PTPRC: variants seen among roughly 807,000 people sequenced by gnomAD.
PTPRC encodes the protein receptor-type tyrosine-protein phosphatase C.
In PTPRC, 44 loss-of-function variants were observed where a neutral mutation model predicts 155.9. That is an observed-to-expected ratio of 0.28 (90% CI 0.22 to 0.36). PTPRC has a LOEUF of 0.36. PTPRC is among the 10% of genes least tolerant of loss of function. The probability of loss-of-function intolerance (pLI) is 1.00; values close to 1 mark genes in which losing one functional copy is unlikely to be tolerated. For synonymous variants in PTPRC, 525 were observed against 533.1 expected (o/e 0.98, Z 0.21); for missense variants, 1,401 against 1,564.6 (o/e 0.90, Z 1.76).
chr1:198,642,932 C>CTTTA (rs1662700612), intron 2 of PTPRC, among the ~76,000 whole-genome samples: 1 of 147,564 alleles, frequency 6.8e-6, no homozygotes, highest in Admixed American at 6.8e-5. Context: ...TTCTTTCTTT[C>CTTTA]TTTCTTTCTT....
intron 17 of PTPRC, among the ~76,000 whole-genome samples, 179 bp from the exon 18 acceptor site, chr1:198,731,438 A>G (rs918438485): frequency 2.6e-5 from 4 of 152,034 alleles, no homozygotes; most frequent in African/African-American, 9.7e-5. Context: ...CTGAAGTACA[A>G]GATTGAAAAG....
chr1:198,709,054 C>G (rs1653148966), intron 10 of PTPRC, among the ~76,000 whole-genome samples: 2 of 152,144 alleles, frequency 1.3e-5, no homozygotes, highest in Admixed American at 1.3e-4. Context: ...TCATGACAGA[C>G]CAATGATAAA....
chr1:198,712,815 A>C, intron 11 of PTPRC, 138 bp from the exon 12 acceptor site: 1 of 932,274 alleles, frequency 1.1e-6, no homozygotes, highest in Non-Finnish European at 1.7e-6. Context: ...AAATGAGCCC[A>C]GATGCATTTC....
chr1:198,722,360 A>G, intron 14 of PTPRC, 56 bp from the exon 15 acceptor site: 3 of 751,944 alleles, frequency 4.0e-6, no homozygotes, highest in Non-Finnish European at 3.9e-6. Flanking sequence ...ATATATATAT[A>G]TATATAAATT....
chr1:198,735,645 A>G (rs369924842), intron 23 of PTPRC, among the ~76,000 whole-genome samples: 46 of 151,802 alleles, frequency 3.0e-4, no homozygotes, highest in African/African-American at 1.0e-3. Flanking sequence ...AGCATTAGAG[A>G]ACACTGTAAG....
chr1:198,685,503 T>C (rs1330946181), intron 2 of PTPRC, among the ~76,000 whole-genome samples: 2 of 152,042 alleles, frequency 1.3e-5, no homozygotes, highest in African/African-American at 4.8e-5. Context: ...CTGTTTCCTG[T>C]GGTTCTCTGA....
chr1:198,751,521 G>T (rs1655383151), intron 29 of PTPRC, among the ~76,000 whole-genome samples: 1 of 151,884 alleles, frequency 6.6e-6, no homozygotes, highest in Admixed American at 6.6e-5. Flanking sequence ...TACATGGAAA[G>T]TTGCTTTTTA....
At chr1:198,685,944 A>AT (rs934212741) in intron 2 of PTPRC, among the ~76,000 whole-genome samples, 57 of 147,064 alleles carry the variant, frequency 3.9e-4, no homozygotes, top group Non-Finnish European at 7.4e-4. Context: ...ATAGCATCCC[A>AT]TTTTTTTTTC....
intron 23 of PTPRC, among the ~76,000 whole-genome samples, chr1:198,738,914 A>C (rs1378544838): frequency 6.6e-6 from 1 of 151,794 alleles, no homozygotes; most frequent in Non-Finnish European, 1.5e-5. Context: ...ACATGAATTG[A>C]AACAAGAAAA....
chr1:198,739,640 C>A (rs565068028), intron 23 of PTPRC, among the ~76,000 whole-genome samples: 1 of 151,836 alleles, frequency 6.6e-6, no homozygotes, highest in African/African-American at 2.4e-5. Flanking sequence ...TTGGAGACTT[C>A]AACACTCTAC....
intron 2 of PTPRC, 67 bp downstream of exon 2, chr1:198,639,408 C>A: frequency 7.9e-7 from 1 of 1,267,146 alleles, no homozygotes; most frequent in Non-Finnish European, 1.1e-6. Context: ...TTGAAATAGA[C>A]ATAAAAATAA....
intron 14 of PTPRC, among the ~76,000 whole-genome samples, chr1:198,721,351 T>G (rs193212805): frequency 7.3e-4 from 111 of 152,270 alleles, no homozygotes; most frequent in Non-Finnish European, 1.5e-3. Context: ...TTTTCTTCCT[T>G]GTAATTTTTT....
At chr1:198,754,572 T>G (rs759936079) in intron 32 of PTPRC, 168 bp downstream of exon 32, 204 of 801,262 alleles carry the variant, frequency 2.5e-4, no homozygotes, top group Non-Finnish European at 3.7e-4. Context: ...TACTTTTACA[T>G]GATAATTCAC....
chr1:198,726,459 C>A (rs890001185), intron 15 of PTPRC, among the ~76,000 whole-genome samples: 4 of 152,078 alleles, frequency 2.6e-5, no homozygotes, highest in Admixed American at 2.6e-4. Context: ...ATAAATACCC[C>A]TTTAAAGGAG....
chr1:198,665,865 C>T (rs1260316502), intron 2 of PTPRC, among the ~76,000 whole-genome samples: 1 of 152,172 alleles, frequency 6.6e-6, no homozygotes, highest in East Asian at 1.9e-4. Context: ...ATATGATTCT[C>T]TTTCCAGCCC....
At chr1:198,735,391 C>T in intron 23 of PTPRC, 139 bp downstream of exon 23, 1 of 829,846 alleles carries the variant, frequency 1.2e-6, no homozygotes, top group Non-Finnish European at 1.8e-6. Context: ...GTGGTTAGAA[C>T]AATGACAAAA....
chr1:198,731,914 T>C (rs1026322989), intron 18 of PTPRC, among the ~76,000 whole-genome samples, 188 bp downstream of exon 18: 2 of 151,964 alleles, frequency 1.3e-5, no homozygotes, highest in African/African-American at 4.8e-5. Flanking sequence ...GATTATAGTG[T>C]AGAGCTAGTA....
rs1557960115 is a variant in PTPRC at position 198,642,904 on chromosome 1, CTTCCTTTCTTTCTTTCTTT to C, written c.73+3564_73+3582del. ...GGGATCTTTTTTCTTTTCTTTCTTT[CTTCCTTTCTTTCTTTCTTT>C]CTTTCTTTCTTTCTTTCTTTCTTTC... On this transcript the variant is annotated intron_variant, in intron 2 of 32. Transcript: ENST00000442510. Among the ~76,000 whole-genome samples the C allele has an allele frequency of 2.0e-3, 289 of 143,558 alleles. 3 individuals are homozygous for C. The highest frequency in any genetic ancestry group is 3.1e-3 in the South Asian group (14 of 4,484). 94.2% of individuals were successfully genotyped at this position (143,558 alleles called of 152,430 possible).
At chr1:198,727,161 G>C (rs12132438) in intron 15 of PTPRC, among the ~76,000 whole-genome samples, 2 of 152,110 alleles carry the variant, frequency 1.3e-5, no homozygotes, top group South Asian at 2.1e-4. Flanking sequence ...GCGCCTGTCT[G>C]TTCAGTTACC....
Sources: gnomAD v4.1 joint callset for allele counts (sites outside exome capture counted in the v4.1 genomes callset) on GRCh38, gnomAD v4.1.1 for gene constraint, MANE v1.5 for transcripts, NCBI Gene and HGNC (gene_info 2026-07-23, HGNC 2026-07-21) for gene names.